USP40: variants seen among roughly 807,000 people sequenced by gnomAD.
USP40 encodes ubiquitin specific peptidase 40.
Under a neutral mutation model 166.2 loss-of-function variants are expected in USP40, and 143 were observed. The ratio of observed to expected loss-of-function variants is 0.86; its 90% CI spans 0.75 to 0.99. The LOEUF (loss-of-function observed/expected upper bound fraction) is 0.99, where lower values mean the gene tolerates loss of function less well. Among genes scored for constraint, USP40 ranks in the 50% least tolerant of loss-of-function variants. USP40 has a pLI of 0.00. For synonymous variants in USP40, 498 were observed against 524.0 expected (o/e 0.95, Z 0.68); for missense variants, 1,444 against 1,479.7 (o/e 0.98, Z 0.40).
In USP40 at chr2:233,489,317, T is replaced by C. The variant is rs7562104; in HGVS notation, c.3131+48A>G. 2.5e-3 allele frequency: 3,814 copies of C among 1,498,400 alleles called. 88 individuals carry two copies. The African/African-American group carries it at 0.047, about 18-fold the overall frequency. 92.8% of individuals were successfully genotyped at this position (1,498,400 alleles called of 1,614,324 possible). On this transcript the variant is annotated intron_variant, in intron 27 of 31. Coordinates refer to ENST00000678225, the MANE Select transcript of USP40 (RefSeq NM_001365479.2). ...CTCCTCCATCCCTCACACCAGCCAG[T>C]GCGTCAGCAGCAGAGAGGGACAGTG...
At position 233,523,276 on chromosome 2, in the gene USP40, C is replaced by A. The variant is rs1364108843; in HGVS notation, c.2095G>T (p.Glu699Ter). 1 of 1,614,010 alleles carries A rather than the reference C, an allele frequency of 6.2e-7. No homozygotes were observed. Among genetic ancestry groups the A allele is most frequent in the East Asian group, 2.2e-5 (1 of 44,890 alleles). The change falls in exon 16 of 32, where the codon GAG becomes TAG. Residue 699 changes from glutamate (E) to a stop codon, truncating the protein, a stop_gained. Transcript: ENST00000678225. LOFTEE classifies it high-confidence loss of function. Reference protein sequence around the residue: ...FINSAGCPGGEGWTAIPKEDM... With the variant: ...FINSAGCPGG The stretch of plus-strand genomic sequence containing the variant: ...TCCTTGGGGATGGCCGTCCAACCCT[C>A]CCCACCTGGACATCCAGCACTGTTG...
At chr2:233,477,528 T>G in intron 31 of USP40, 25 bp from the exon 32 acceptor site, 1 of 1,598,488 alleles carries the variant, frequency 6.3e-7, no homozygotes, top group Non-Finnish European at 8.6e-7. Context: ...ACACTGTCAT[T>G]GACTCATGGA....
intron 6 of USP40, chr2:233,554,178 A>T: frequency 2.1e-6 from 1 of 470,070 alleles, no homozygotes; most frequent in Admixed American, 4.5e-5. Context: ...TTCCCCGGAG[A>T]AAAGGAAGTT....
chr2:233,524,560 C>T lies in USP40; in HGVS notation c.1813G>A (p.Asp605Asn). Residue 605 changes from aspartate to asparagine, a missense_variant and splice_region_variant, in exon 15 of 32, where the codon GAT (aspartate) becomes AAT (asparagine). By Grantham distance (23) the Asp-to-Asn change is conservative. Transcript: ENST00000678225. ...TCAGTTTCACACAGTGTCAGTTCAT[C>T]CCCTAGAAAGAGATCACCAGTGAGA... Reference protein sequence around the residue: ...GLHIYQSLGGDELTLCETEIA... With the variant: ...GLHIYQSLGGNELTLCETEIA... 1 of 1,599,626 alleles carries T rather than the reference C, an allele frequency of 6.3e-7. No homozygotes were observed. The highest frequency in any genetic ancestry group is 8.5e-7 in the Non-Finnish European group (1 of 1,173,606).
chr2:233,485,605 TCCTC>T lies in USP40; in HGVS notation c.3426_3429del (p.Arg1143LysfsTer16). 1 of 1,613,766 alleles carries T rather than the reference TCCTC, an allele frequency of 6.2e-7. No homozygotes were observed. The highest frequency in any genetic ancestry group is 8.5e-7 in the Non-Finnish European group (1 of 1,179,762). ...AAATAATCTTGTTTTTTTTTCTTTT[TCCTC>T]TTGGTTATTTGTTGGTTCTATGGGA... is the stretch of plus-strand genomic sequence containing the variant. On this transcript the variant is annotated frameshift_variant, in exon 30 of 32. Transcript: ENST00000678225. LOFTEE classifies it high-confidence loss of function.
intron 28 of USP40, chr2:233,487,929 A>G (rs2065051677): frequency 6.9e-6 from 4 of 583,402 alleles, no homozygotes; most frequent in South Asian, 6.1e-5. Flanking sequence ...TGGATGGCAG[A>G]CTGTCCGAAC....
chr2:233,496,742 A>C lies in USP40; in HGVS notation c.2790+16T>G. On this transcript the variant is annotated intron_variant, in intron 24 of 31. Transcript: ENST00000678225. ...ATTATTACTTAAGAGTTGTCTATTC[A>C]GAAGTAAAATCTTACCAGAGGAGGA... 3.1e-6 allele frequency: 5 copies of C among 1,603,776 alleles called. No homozygotes were observed. The highest frequency in any genetic ancestry group is 4.3e-6 in the Non-Finnish European group (5 of 1,172,200).
intron 22 of USP40, 33 bp from the exon 23 acceptor site, chr2:233,498,645 T>C: frequency 6.3e-7 from 1 of 1,592,178 alleles, no homozygotes. Context: ...ATAAAAAAAA[T>C]TCAAAGTTAG....
chr2:233,566,282 T>C (rs1221558826), intron 1 of USP40, among the ~76,000 whole-genome samples: 2 of 152,058 alleles, frequency 1.3e-5, no homozygotes, highest in African/African-American at 4.8e-5. Flanking sequence ...TTCCCCAAGG[T>C]TTCACATCGA....
At position 233,554,431 on chromosome 2, in the gene USP40, A is replaced by T; in HGVS notation, c.642T>A (p.Cys214Ter). ...AAGTTCCACAGTGGTACAAGTTGTC[A>T]CAATCAAAAACTTCCTCTTCTACAT... is the stretch of plus-strand genomic sequence containing the variant. ...NMYVEEEVFD[C>*]DNLYHCGTCD... is the part of the protein sequence containing the mutation. Residue 214 changes from cysteine to a stop codon, truncating the protein, a stop_gained, in exon 6 of 32, where the codon TGT becomes TGA. Coordinates refer to ENST00000678225, the MANE Select transcript of USP40 (RefSeq NM_001365479.2). LOFTEE classifies it high-confidence loss of function. 6.2e-7 allele frequency: 1 copy of T among 1,613,318 alleles called. No homozygotes were observed. Among genetic ancestry groups the T allele is most frequent in the South Asian group, 1.1e-5 (1 of 90,982 alleles).
chr2:233,526,582 T>C (rs1327161269), intron 13 of USP40, among the ~76,000 whole-genome samples: 1 of 152,206 alleles, frequency 6.6e-6, no homozygotes, highest in African/African-American at 2.4e-5. Flanking sequence ...ATAGGATTTT[T>C]CAGAAAATTC....
intron 18 of USP40, among the ~76,000 whole-genome samples, chr2:233,515,427 A>G (rs1391005161): frequency 1.3e-5 from 2 of 152,202 alleles, no homozygotes; most frequent in African/African-American, 2.4e-5. Flanking sequence ...CTGGGTGCAC[A>G]GTAGGGTGTC....
intron 3 of USP40, among the ~76,000 whole-genome samples, chr2:233,560,261 T>C (rs2071453856): frequency 6.6e-6 from 1 of 152,190 alleles, no homozygotes; most frequent in Admixed American, 6.5e-5. Flanking sequence ...ATACCTCTGA[T>C]ACACACAATT....
In USP40 at chr2:233,486,323, C is replaced by T. The variant is rs145097728; in HGVS notation, c.3198-346G>A. ...GTGAGAGAGGCCTGGCTTGATAGCC[C>T]GGCAGCTGGCAGGAGGAGAGCGGGC... On this transcript the variant is annotated intron_variant, in intron 28 of 31. Transcript: ENST00000678225. This position sits in a 1 kb window ranked among gnomAD's most constrained non-coding sequence, Gnocchi z 4.0. Among the ~76,000 whole-genome samples the T allele has an allele frequency of 6.6e-3, 1,008 of 152,178 alleles. 5 individuals are homozygous for T. Among genetic ancestry groups the T allele is most frequent in the African/African-American group, 0.022 (924 of 41,516 alleles).
chr2:233,548,122 T>C (rs766791293), intron 8 of USP40, among the ~76,000 whole-genome samples: 23 of 151,980 alleles, frequency 1.5e-4, no homozygotes, highest in Non-Finnish European at 2.2e-4. Flanking sequence ...TAGAGAAAAA[T>C]TGATTACTCA....
rs931314889 is a variant in USP40, at chr2:233,486,768, G to A, written c.3198-791C>T. On this transcript the variant is annotated intron_variant, in intron 28 of 31. Coordinates refer to ENST00000678225, the MANE Select transcript of USP40 (RefSeq NM_001365479.2). The surrounding 1 kb of genome is among the most constrained non-coding windows in gnomAD (Gnocchi z 4.0). ...GGAAGATGTGGGCCCATGGAATCAG[G>A]GGAGTGCAGAGTGCAAGAGCAGAGG... Among the ~76,000 whole-genome samples, 1 of 152,240 alleles carries A rather than the reference G, an allele frequency of 6.6e-6. No individual in the cohort carries two copies. Among genetic ancestry groups the A allele is most frequent in the African/African-American group, 2.4e-5 (1 of 41,454 alleles).
chr2:233,481,431 G>A (rs1254687368), intron 30 of USP40, 134 bp from the exon 31 acceptor site: 1 of 761,104 alleles, frequency 1.3e-6, no homozygotes, highest in Non-Finnish European at 2.1e-6. Flanking sequence ...GTGAATAACT[G>A]ATTAAAAAAA....
chr2:233,565,471 A>G lies in USP40; in HGVS notation c.84T>C (p.Ala28=). 3 of 1,537,204 alleles carry G rather than the reference A, an allele frequency of 2.0e-6. No homozygotes were observed. In the South Asian group the frequency reaches 3.6e-5, roughly 18 times the overall value. ...YGKGKKLKTK[A]LEPPAPREFT... ...ATTCTCTAGGAGCAGGTGGCTCCAA[A>G]GCTTTAGTCTTTAATTTCTTCCCTT... The change falls in exon 2 of 32, where the codon GCT becomes GCC. Residue 28 remains alanine (A), a synonymous_variant. Coordinates refer to ENST00000678225, the MANE Select transcript of USP40 (RefSeq NM_001365479.2).
At chr2:233,562,913 G>A in intron 2 of USP40, 110 bp from the exon 3 acceptor site, 2 of 741,610 alleles carry the variant, frequency 2.7e-6, no homozygotes, top group Non-Finnish European at 4.1e-6. Flanking sequence ...TCAGAAATAT[G>A]ATTGTGGCAA....
Sources: allele counts gnomAD v4.1 joint callset (sites outside exome capture counted in the v4.1 genomes callset), GRCh38; gene constraint gnomAD v4.1.1; non-coding constraint Gnocchi (gnomAD v3.1); transcripts MANE v1.5; gene names NCBI Gene and HGNC (gene_info 2026-07-23, HGNC 2026-07-21).